OTOGL: variants seen among roughly 807,000 people sequenced by gnomAD.
OTOGL encodes the protein otogelin like.
OTOGL carries 285 observed loss-of-function variants against 318.5 expected under a neutral mutation model. That is an observed-to-expected ratio of 0.89 (90% confidence interval 0.81 to 0.99). The LOEUF (loss-of-function observed/expected upper bound fraction) is 0.99, where lower values mean the gene tolerates loss of function less well. Among genes scored for constraint, OTOGL ranks in the 50% least tolerant of loss-of-function variants. The probability of loss-of-function intolerance (pLI) is 0.00; values close to 1 mark genes in which losing one functional copy is unlikely to be tolerated. For synonymous variants in OTOGL, 987 were observed against 936.5 expected (o/e 1.05, Z -0.99); for missense variants, 2,899 against 2,845.6 (o/e 1.02, Z -0.43).
intron 40 of OTOGL, 86 bp from the exon 41 acceptor site, chr12:80,336,711 T>A (rs1380472206): frequency 1.4e-6 from 2 of 1,403,840 alleles, no homozygotes; most frequent in African/African-American, 1.5e-5. Flanking sequence ...ACCTTTCTTA[T>A]CAATCTATTT....
intron 1 of OTOGL, among the ~76,000 whole-genome samples, chr12:80,177,347 C>T (rs114175133): frequency 0.014 from 2,058 of 152,272 alleles, 44 homozygotes; most frequent in African/African-American, 0.046. Context: ...CCAGTTGCTA[C>T]AACACCATTT....
At chr12:80,239,745 T>G (rs560033879) in intron 11 of OTOGL, among the ~76,000 whole-genome samples, 4 of 152,260 alleles carry the variant, frequency 2.6e-5, no homozygotes, top group Admixed American at 1.3e-4. Context: ...ACATTCAAAT[T>G]ATTATCTTCT....
chr12:80,345,011 TATATATTATATTTTATATATTATA>T lies in OTOGL; in HGVS notation c.5265+2851_5265+2874del, dbSNP rs1444329220. ...TTATATATTATATTTTATATATTATTATATATTATATTTTATATATTATAACATATATTATTATATGTTATATTT... is the reference window on the plus strand; with the variant it reads ...TTATATATTATATTTTATATATTATTACATATATTATTATATGTTATATTT... On this transcript the variant is annotated intron_variant, in intron 44 of 58. Transcript: ENST00000547103. 5.2e-4 allele frequency among the ~76,000 whole-genome samples: 73 copies of T among 140,892 alleles called. 2 individuals carry two copies. The South Asian group carries it at 0.015, about 30-fold the overall frequency. 92.4% of individuals were successfully genotyped at this position (140,892 alleles called of 152,430 possible). A position where few individuals can be genotyped will look rare whatever the true frequency, so the allele number is the denominator to read the frequency against.
In OTOGL at chr12:80,238,879, T is replaced by G; in HGVS notation, c.846T>G (p.Phe282Leu). Residue 282 changes from phenylalanine (F) to leucine (L), a missense_variant, in exon 10 of 59, where the codon TTT becomes TTG. Physicochemically the swap from Phe to Leu is conservative, Grantham distance 22. Around this residue, in one of 3 missense-constraint regions of OTOGL, gnomAD observed 2,607 missense variants for 2,524.9 expected, o/e 1.03. Coordinates refer to ENST00000547103, the MANE Select transcript of OTOGL (RefSeq NM_001378609.3). ...ACTATACAGAAGACATCGCTATGTTTGCAAATAGTTGGTCGGTGCAAACTC... is the reference window on the plus strand; with the variant it reads ...ACTATACAGAAGACATCGCTATGTTGGCAAATAGTTGGTCGGTGCAAACTC... ...QEDYTEDIAM[F>L]ANSWSVQTPD... 6.4e-7 allele frequency: 1 copy of G among 1,568,038 alleles called. No individual in the cohort carries two copies. The highest frequency in any genetic ancestry group is 8.6e-7 in the Non-Finnish European group (1 of 1,162,808).
At chr12:80,323,597 C>T (rs1251689572) in intron 34 of OTOGL, 126 bp from the exon 35 acceptor site, 15 of 699,440 alleles carry the variant, frequency 2.1e-5, no homozygotes, top group Non-Finnish European at 2.9e-5. Context: ...TGTGGTGAAT[C>T]GAAATAGTGC....
chr12:80,149,921 G>A lies in OTOGL; in HGVS notation c.-20+50316G>A, dbSNP rs532540902. Among the ~76,000 whole-genome samples the A allele has an allele frequency of 9.9e-5, 15 of 152,278 alleles. 1 individual carries two copies. In the South Asian group the frequency reaches 3.1e-3, roughly 32 times the overall value. Reference sequence around the variant, plus strand: ...CTCACCCTGCTTCGGCTCATGCACGGTGCGCGCACCCACTGACCTGCGCCC... The same window carrying A: ...CTCACCCTGCTTCGGCTCATGCACGATGCGCGCACCCACTGACCTGCGCCC... On this transcript the variant is annotated intron_variant, in intron 1 of 58. Coordinates refer to ENST00000547103, the MANE Select transcript of OTOGL (RefSeq NM_001378609.3).
chr12:80,109,421 C>A (rs1869692662), intron 1 of OTOGL, among the ~76,000 whole-genome samples: 1 of 152,068 alleles, frequency 6.6e-6, no homozygotes, highest in African/African-American at 2.4e-5. Context: ...CTTTATCATG[C>A]CATTTGAAAC....
intron 1 of OTOGL, among the ~76,000 whole-genome samples, chr12:80,208,678 A>G (rs1452378346): frequency 6.6e-6 from 1 of 152,176 alleles, no homozygotes; most frequent in Non-Finnish European, 1.5e-5. Context: ...TTAATTGGGT[A>G]TTTGTCACAG....
chr12:80,172,482 C>G (rs1044669906), intron 1 of OTOGL, among the ~76,000 whole-genome samples: 3 of 152,126 alleles, frequency 2.0e-5, no homozygotes, highest in African/African-American at 7.2e-5. Flanking sequence ...TTGGTCTTCT[C>G]ATAGGTTGGT....
rs574506290 is a variant in OTOGL at position 80,344,043 on chromosome 12, G to GA, written c.5265+1885dup. Among the ~76,000 whole-genome samples, 16 of 152,280 alleles carry GA rather than the reference G, an allele frequency of 1.1e-4. No homozygotes were observed. The East Asian group carries it at 3.1e-3, about 29-fold the overall frequency. ...ATGCTGCCCTACGCGTTCCCTGAGG[G>GA]AAAAGACGAAAGTATGAAGTCATGG... On this transcript the variant is annotated intron_variant, in intron 44 of 58. Transcript: ENST00000547103.
rs553614650 is a variant in OTOGL at position 80,366,393 on chromosome 12, G to A, written c.6268-181G>A. The A allele has an allele frequency of 2.8e-5, 13 of 469,044 alleles. No homozygotes were observed. The Middle Eastern group carries it at 1.6e-3, about 58-fold the overall frequency. 29.1% of individuals were successfully genotyped at this position (469,044 alleles called of 1,614,324 possible). On this transcript the variant is annotated intron_variant, in intron 52 of 58. Coordinates refer to ENST00000547103, the MANE Select transcript of OTOGL (RefSeq NM_001378609.3). ...TCTTTGATTGCCCTACAGAAGCTCA[G>A]AATCAAACAATATGATTTTAAAGTG...
chr12:80,111,163 G>C (rs138051983), intron 1 of OTOGL, among the ~76,000 whole-genome samples: 2 of 152,176 alleles, frequency 1.3e-5, no homozygotes, highest in Non-Finnish European at 2.9e-5. Flanking sequence ...ACTTTTGTCA[G>C]ATGGATAGAT....
chr12:80,368,382 G>T, intron 55 of OTOGL, 73 bp downstream of exon 55: 1 of 830,532 alleles, frequency 1.2e-6, no homozygotes, highest in Non-Finnish European at 1.8e-6. Context: ...TTTGGAAAAT[G>T]TCCCCCCCCA....
intron 10 of OTOGL, 85 bp downstream of exon 10, chr12:80,239,063 T>C: frequency 7.4e-7 from 1 of 1,353,176 alleles, no homozygotes; most frequent in Non-Finnish European, 9.7e-7. Flanking sequence ...TTTTTTAGTG[T>C]AAACACAACA....
intron 1 of OTOGL, among the ~76,000 whole-genome samples, chr12:80,169,498 CTATT>C (rs1255884090): frequency 6.6e-6 from 1 of 152,190 alleles, no homozygotes; most frequent in South Asian, 2.1e-4. Flanking sequence ...CCTAACCTAT[CTATT>C]TAATTGCATT....
intron 24 of OTOGL, among the ~76,000 whole-genome samples, chr12:80,272,756 A>G (rs1174601898): frequency 6.6e-6 from 1 of 152,106 alleles, no homozygotes; most frequent in Non-Finnish European, 1.5e-5. Flanking sequence ...CATCTGGAAT[A>G]GGTTGAAGAG....
At chr12:80,274,488 T>C (rs916520261) in intron 24 of OTOGL, among the ~76,000 whole-genome samples, 1 of 152,034 alleles carries the variant, frequency 6.6e-6, no homozygotes, top group African/African-American at 2.4e-5. Context: ...AGAGGTTGGC[T>C]TATGGAGTTT....
chr12:80,204,052 A>G (rs1017412054), intron 1 of OTOGL, among the ~76,000 whole-genome samples: 4 of 152,210 alleles, frequency 2.6e-5, no homozygotes, highest in Non-Finnish European at 5.9e-5. Context: ...GGAGATAATG[A>G]TAACAATTTT....
At chr12:80,300,928 G>A (rs759145709) in intron 27 of OTOGL, among the ~76,000 whole-genome samples, 2 of 152,192 alleles carry the variant, frequency 1.3e-5, no homozygotes, top group Non-Finnish European at 1.5e-5. Flanking sequence ...GAGAGAGCCA[G>A]TTAACAACAC....
Sources: allele counts gnomAD v4.1 joint callset (sites outside exome capture counted in the v4.1 genomes callset), GRCh38; gene constraint gnomAD v4.1.1; regional missense constraint gnomAD v4.1.1; transcripts MANE v1.5; gene names NCBI Gene and HGNC (gene_info 2026-07-23, HGNC 2026-07-21).